The following TDRD12 variants were observed in gnomAD, a reference collection of about 807,000 sequenced individuals.
TDRD12 encodes tudor domain containing 12.
In TDRD12, 158 loss-of-function variants were observed where a neutral mutation model predicts 133.5. That is an observed-to-expected ratio of 1.18 (90% CI 1.04 to 1.35). The LOEUF (loss-of-function observed/expected upper bound fraction) is 1.35, where lower values mean the gene tolerates loss of function less well. Among genes scored for constraint, TDRD12 ranks in the 40% most tolerant of loss-of-function variants. The pLI is 0.00. For missense variants in TDRD12, 1,443 were observed against 1,321.3 expected (o/e 1.09, Z -1.43); for synonymous variants, 460 against 477.9 (o/e 0.96, Z 0.49).
intron 11 of TDRD12, among the ~76,000 whole-genome samples, chr19:32,786,742 C>T (rs111484921): frequency 0.096 from 14,594 of 152,154 alleles, 919 homozygotes; most frequent in Middle Eastern, 0.15. Flanking sequence ...GCATGCATCA[C>T]GAAGTTCCCG....
intron 3 of TDRD12, among the ~76,000 whole-genome samples, chr19:32,739,901 GTCTGCATCTCCTGGGTACTC>G (rs1969358792): frequency 2.0e-5 from 2 of 102,006 alleles, no homozygotes; most frequent in Non-Finnish European, 3.9e-5. Flanking sequence ...CCTGGGTGCT[GTCTGCATCTCCTGGGTACTC>G]TCTGCATCTC....
intron 1 of TDRD12, among the ~76,000 whole-genome samples, chr19:32,723,884 G>T (rs1968772599): frequency 6.6e-6 from 1 of 152,106 alleles, no homozygotes; most frequent in South Asian, 2.1e-4. Flanking sequence ...AAGACACAGG[G>T]TCTTGCTTTG....
At chr19:32,731,682 T>C in intron 1 of TDRD12, 43 bp from the exon 2 acceptor site, 1 of 1,468,848 alleles carries the variant, frequency 6.8e-7, no homozygotes, top group Non-Finnish European at 9.0e-7. Flanking sequence ...GGTACTACTT[T>C]TAAATCATAC....
At chr19:32,807,280 A>AG (rs2145719479) in intron 21 of TDRD12, among the ~76,000 whole-genome samples, 1 of 145,960 alleles carries the variant, frequency 6.9e-6, no homozygotes, top group East Asian at 2.0e-4. Flanking sequence ...AAAAAAAAAA[A>AG]AAAAAAAAAA....
chr19:32,797,043 C>A (rs1436082059), intron 14 of TDRD12, among the ~76,000 whole-genome samples: 2 of 149,686 alleles, frequency 1.3e-5, no homozygotes, highest in African/African-American at 4.9e-5. Flanking sequence ...TGCAGTGGCT[C>A]CATCTCGGCT....
intron 16 of TDRD12, among the ~76,000 whole-genome samples, chr19:32,799,452 A>C (rs897408174): frequency 3.3e-5 from 5 of 152,108 alleles, no homozygotes; most frequent in African/African-American, 1.2e-4. Context: ...AGCCTAATTT[A>C]CATTTCCTTG....
chr19:32,826,417 C>T, intron 8 of TDRD12, 28 bp from the exon 31 acceptor site: 1 of 1,231,458 alleles, frequency 8.1e-7, no homozygotes. Flanking sequence ...TTTTAAAAGG[C>T]TGACTTTATT....
chr19:32,792,865 C>T (rs1971112822), intron 13 of TDRD12, among the ~76,000 whole-genome samples: 1 of 152,192 alleles, frequency 6.6e-6, no homozygotes, highest in Non-Finnish European at 1.5e-5. Context: ...CAGATGTCTC[C>T]ACAGTGCACC....
At chr19:32,821,537 A>G (rs534885243), downstream of TDRD12, among the ~76,000 whole-genome samples, 1 of 152,302 alleles carries the variant, frequency 6.6e-6, no homozygotes, top group African/African-American at 2.4e-5. Context: ...GGAAGCATAT[A>G]GAATACATTC....
At position 32,797,287 on chromosome 19, in the gene TDRD12, C is replaced by T. The variant is rs141964456; in HGVS notation, c.1474-448C>T. ...TGAGCCACTACACCCAGCCAGGGTT[C>T]GTCTTTTTTAAGGCCCCTTTCAGGA... On this transcript the variant is annotated intron_variant, in intron 14 of 27. Transcript: ENST00000444215. 4.2e-3 allele frequency among the ~76,000 whole-genome samples: 641 copies of T among 152,144 alleles called. 2 individuals carry two copies. The highest frequency in any genetic ancestry group is 0.014 in the African/African-American group (586 of 41,508).
chr19:32,811,769 C>T (rs143802476), intron 24 of TDRD12, among the ~76,000 whole-genome samples: 472 of 152,194 alleles, frequency 3.1e-3, no homozygotes, highest in Middle Eastern at 6.8e-3. Context: ...TTTGGGAAGC[C>T]GAGGGATGAG....
At chr19:32,738,725 A>AT in intron 2 of TDRD12, 131 bp from the exon 3 acceptor site, 1 of 972,840 alleles carries the variant, frequency 1.0e-6, no homozygotes, top group South Asian at 1.8e-5. Context: ...AGGCAGGAGA[A>AT]TTGCTTGAAC....
intron 13 of TDRD12, among the ~76,000 whole-genome samples, chr19:32,791,891 G>C (rs8106748): frequency 6.6e-6 from 1 of 150,684 alleles, no homozygotes; most frequent in Non-Finnish European, 1.5e-5. Context: ...GTGTCTTGCT[G>C]TCCACCATGA....
chr19:32,782,539 C>G (rs1023456424), intron 11 of TDRD12, among the ~76,000 whole-genome samples: 1 of 152,166 alleles, frequency 6.6e-6, no homozygotes, highest in East Asian at 1.9e-4. Flanking sequence ...GAGGAATCAC[C>G]ACACTGTCTT....
In TDRD12 at chr19:32,805,218, C is replaced by CAT. The variant is rs1452893123; in HGVS notation, c.2552+2077_2552+2078insTA. On this transcript the variant is annotated intron_variant, in intron 21 of 27. Coordinates refer to ENST00000444215, the Ensembl canonical transcript of TDRD12. Reference sequence around the variant, plus strand: ...ATATATACACACACACACACACACACACATATATATATATATAAGCCAGCT... The same window carrying CAT: ...ATATATACACACACACACACACACACATACATATATATATATATAAGCCAGCT... Among the ~76,000 whole-genome samples the CAT allele has an allele frequency of 6.0e-5, 5 of 83,626 alleles. No individual in the cohort carries two copies. In the East Asian group the frequency reaches 1.2e-3, roughly 20 times the overall value. 54.9% of individuals were successfully genotyped at this position (83,626 alleles called of 152,430 possible).
exon 26 of TDRD12, chr19:32,815,612 C>T: frequency 6.5e-7 from 1 of 1,533,762 alleles, no homozygotes; most frequent in Non-Finnish European, 8.7e-7. Flanking sequence ...AAAGCCTAAG[C>T]CAGACCCCGT....
downstream of TDRD12, among the ~76,000 whole-genome samples, chr19:32,823,573 T>A (rs1967480879): frequency 6.6e-6 from 1 of 151,990 alleles, no homozygotes; most frequent in South Asian, 2.1e-4. Flanking sequence ...CGGAGCCGAG[T>A]GGTACGTGGG....
chr19:32,753,881 G>A (rs559679703), intron 6 of TDRD12, among the ~76,000 whole-genome samples: 12 of 152,016 alleles, frequency 7.9e-5, no homozygotes, highest in African/African-American at 1.9e-4. Context: ...CGCAGTCTAC[G>A]TATTTGATTC....
downstream of TDRD12, among the ~76,000 whole-genome samples, chr19:32,823,984 T>A (rs931387049): frequency 6.6e-5 from 10 of 152,140 alleles, no homozygotes; most frequent in African/African-American, 2.4e-4. Flanking sequence ...GGACATGCAG[T>A]TGTTTACTGA....
Sources: gnomAD v4.1 joint callset for allele counts (sites outside exome capture counted in the v4.1 genomes callset) on GRCh38, gnomAD v4.1.1 for gene constraint, MANE v1.5 for transcripts, NCBI Gene and HGNC (gene_info 2026-07-23, HGNC 2026-07-21) for gene names.